The following HADHA variants were observed in gnomAD, a reference collection of about 807,000 sequenced individuals.
The protein encoded by HADHA is hydroxyacyl-CoA dehydrogenase trifunctional multienzyme complex subunit alpha, also known as trifunctional enzyme subunit alpha, mitochondrial.
A neutral mutation model predicts 91.3 loss-of-function variants in HADHA; 59 were observed. The ratio of observed to expected loss-of-function variants is 0.65; its 90% CI spans 0.52 to 0.80. The LOEUF is 0.80. Among genes scored for constraint, HADHA ranks in the 30% least tolerant of loss-of-function variants. The pLI is 0.00. For missense variants in HADHA, 800 were observed against 927.6 expected (o/e 0.86, Z 1.79); for synonymous variants, 320 against 338.9 (o/e 0.94, Z 0.61).
chr2:26,231,220 T>C (rs1670614435), intron 6 of HADHA, among the ~76,000 whole-genome samples: 1 of 152,232 alleles, frequency 6.6e-6, no homozygotes, highest in Non-Finnish European at 1.5e-5. Flanking sequence ...ATTATTATTA[T>C]TAGAAAATTA....
chr2:26,220,420 G>A (rs1347021064), intron 7 of HADHA, among the ~76,000 whole-genome samples: 1 of 152,192 alleles, frequency 6.6e-6, no homozygotes, highest in Admixed American at 6.5e-5. Context: ...CCACAATCCT[G>A]GAGGGACTGC....
rs1364535898 is a variant in HADHA at position 26,221,658 on chromosome 2, C to G, written c.677-6483G>C. 1.3e-5 allele frequency among the ~76,000 whole-genome samples: 2 copies of G among 152,300 alleles called. No individual in the cohort carries two copies. The highest frequency in any genetic ancestry group is 3.9e-4 in the East Asian group (2 of 5,186). On this transcript the variant is annotated intron_variant, in intron 7 of 19. Transcript: ENST00000380649. The surrounding 1 kb of genome is among the most constrained non-coding windows in gnomAD (Gnocchi z 4.8). ...CTTCTTTGTCTCTTCCAGCCTGCAC[C>G]TATGGCCTCATGGGGAGTTCTCTAT... is the stretch of plus-strand genomic sequence containing the variant.
chr2:26,241,104 G>A (rs1471434097), intron 1 of HADHA, among the ~76,000 whole-genome samples: 1 of 152,200 alleles, frequency 6.6e-6, no homozygotes, highest in Non-Finnish European at 1.5e-5. Context: ...TGCCAGCAAA[G>A]TAGAGAGAAA....
chr2:26,239,424 C>T (rs945608510), intron 1 of HADHA, among the ~76,000 whole-genome samples: 1 of 152,160 alleles, frequency 6.6e-6, no homozygotes, highest in Non-Finnish European at 1.5e-5. Flanking sequence ...ATTAAAGTTG[C>T]TAATCAGTTG....
chr2:26,231,915 G>A (rs955466326), intron 6 of HADHA, among the ~76,000 whole-genome samples: 29 of 148,360 alleles, frequency 2.0e-4, no homozygotes. Flanking sequence ...GTTGCAGTGA[G>A]CTGAGATCAC....
intron 15 of HADHA, 31 bp downstream of exon 15, chr2:26,195,061 A>C: frequency 6.3e-7 from 1 of 1,594,166 alleles, no homozygotes; most frequent in Non-Finnish European, 8.6e-7. Context: ...ACTTTTCAAA[A>C]ACTCTGCAGC....
intron 7 of HADHA, among the ~76,000 whole-genome samples, chr2:26,227,256 A>C (rs781604122): frequency 6.6e-6 from 1 of 152,202 alleles, no homozygotes; most frequent in Non-Finnish European, 1.5e-5. Flanking sequence ...ACACGCCTGT[A>C]ATCTCAGCAC....
At chr2:26,230,117 C>T (rs1007161418) in intron 7 of HADHA, 75 bp downstream of exon 7, 16 of 933,718 alleles carry the variant, frequency 1.7e-5, no homozygotes, top group Middle Eastern at 4.4e-4. Context: ...GCCACCGTGC[C>T]TGGCCTAAGA....
chr2:26,212,526 T>A (rs1442360482), intron 10 of HADHA, 44 bp downstream of exon 10: 1 of 1,237,566 alleles, frequency 8.1e-7, no homozygotes, highest in Non-Finnish European at 1.2e-6. Context: ...GATCTTTAGT[T>A]TTCCTTTAAC....
chr2:26,204,215 A>G lies in HADHA; in HGVS notation c.1086-19T>C. 1 of 1,613,128 alleles carries G rather than the reference A, an allele frequency of 6.2e-7. No individual in the cohort carries two copies. The highest frequency in any genetic ancestry group is 8.5e-7 in the Non-Finnish European group (1 of 1,179,034). On this transcript the variant is annotated intron_variant, in intron 11 of 19. Transcript: ENST00000380649. Reference sequence around the variant, plus strand: ...CAGATGCCTGCAAGGCAAGGATGAAATGACTTTCGGTAAACTGATCTTAAT... The same window carrying G: ...CAGATGCCTGCAAGGCAAGGATGAAGTGACTTTCGGTAAACTGATCTTAAT...
chr2:26,225,804 C>G (rs1670472219), intron 7 of HADHA, among the ~76,000 whole-genome samples: 1 of 152,120 alleles, frequency 6.6e-6, no homozygotes, highest in African/African-American at 2.4e-5. Context: ...AATACTTGTT[C>G]TCATGACTTC....
Position 26,238,975 on chromosome 2 carries a change from C to T in HADHA, c.139G>A (p.Gly47Arg). 1 of 1,608,404 alleles carries T rather than the reference C, an allele frequency of 6.2e-7. No individual in the cohort carries two copies. The highest frequency in any genetic ancestry group is 1.1e-5 in the South Asian group (1 of 90,944). ...TRTHINYGVK[G>R]DVAVVRINSP... is the part of the protein sequence containing the mutation. The stretch of plus-strand genomic sequence containing the variant: ...TTAATTCGAACAACTGCCACATCCC[C>T]TTTGACTCCATAGTTAATATGGGTT... Residue 47 changes from glycine (G) to arginine (R), a missense_variant, in exon 3 of 20, where the codon GGG (glycine) becomes AGG (arginine). By Grantham distance (125) the Gly-to-Arg change is moderately radical (BLOSUM62 -2). Transcript: ENST00000380649.
At chr2:26,220,245 G>A (rs780375137) in intron 7 of HADHA, among the ~76,000 whole-genome samples, 6 of 152,286 alleles carry the variant, frequency 3.9e-5, no homozygotes, top group Middle Eastern at 3.4e-3. Flanking sequence ...CCCATCCTGC[G>A]GTTATTTTCC....
rs755224363 is a variant in HADHA, at chr2:26,193,613, C to G, written c.1849G>C (p.Glu617Gln). The G allele has an allele frequency of 1.9e-6, 3 of 1,614,050 alleles. No individual in the cohort carries two copies. Among genetic ancestry groups the G allele is most frequent in the Non-Finnish European group, 2.5e-6 (3 of 1,179,928 alleles). ...TTGGACACCATCTGTGTCAGCAGTT[C>G]TGGGTTTCCACCTCCAAACCGCTCC... is the stretch of plus-strand genomic sequence containing the variant. ...FGERFGGGNPELLTQMVSKGF... is the reference protein window; with the variant it reads ...FGERFGGGNPQLLTQMVSKGF... The change falls in exon 17 of 20, where the codon GAA becomes CAA. Residue 617 changes from glutamate (E) to glutamine (Q), a missense_variant. Glu to Gln is a conservative substitution (Grantham distance 29). Coordinates refer to ENST00000380649, the MANE Select transcript of HADHA (RefSeq NM_000182.5).
At chr2:26,226,911 G>C (rs1285850483) in intron 7 of HADHA, among the ~76,000 whole-genome samples, 7 of 152,088 alleles carry the variant, frequency 4.6e-5, no homozygotes, top group African/African-American at 7.2e-5. Context: ...ATATTTTTTA[G>C]ATACCACACT....
intron 1 of HADHA, among the ~76,000 whole-genome samples, chr2:26,240,645 T>C (rs747471794): frequency 6.6e-6 from 1 of 152,070 alleles, no homozygotes; most frequent in Non-Finnish European, 1.5e-5. Context: ...GGTTGCAATA[T>C]TTCAAAAACA....
intron 6 of HADHA, 35 bp downstream of exon 6, chr2:26,232,125 G>C: frequency 6.6e-7 from 1 of 1,520,800 alleles, no homozygotes; most frequent in Non-Finnish European, 9.1e-7. Flanking sequence ...ATCTAAAGAG[G>C]GCATATAGCT....
chr2:26,230,111 C>T, intron 7 of HADHA, 81 bp downstream of exon 7: 4 of 872,058 alleles, frequency 4.6e-6, no homozygotes, highest in Non-Finnish European at 7.7e-6. Context: ...GTGTGAGCCA[C>T]CGTGCCTGGC....
At chr2:26,197,510 TACTTA>T (rs1669707374) in intron 14 of HADHA, among the ~76,000 whole-genome samples, 176 bp downstream of exon 14, 1 of 152,246 alleles carries the variant, frequency 6.6e-6, no homozygotes, top group Non-Finnish European at 1.5e-5. Context: ...TTTTTTGTTG[TACTTA>T]ACTTACTCCT....
Sources: allele counts gnomAD v4.1 joint callset (sites outside exome capture counted in the v4.1 genomes callset), GRCh38; gene constraint gnomAD v4.1.1; non-coding constraint Gnocchi (gnomAD v3.1); transcripts MANE v1.5; gene names NCBI Gene and HGNC (gene_info 2026-07-23, HGNC 2026-07-21).